The following TEFM variants were observed in gnomAD, a reference collection of about 807,000 sequenced individuals.
The protein encoded by TEFM is transcription elongation factor of mitochondria.
In TEFM, 14 loss-of-function variants were observed where a neutral mutation model predicts 23.0. That is an observed-to-expected ratio of 0.61 (90% CI 0.40 to 0.95). TEFM has a LOEUF of 0.95. Among genes scored for constraint, TEFM ranks in the 40% least tolerant of loss-of-function variants. The probability of loss-of-function intolerance (pLI) is 0.00; values close to 1 mark genes in which losing one functional copy is unlikely to be tolerated. For synonymous variants in TEFM, 155 were observed against 158.3 expected (o/e 0.98, Z 0.16); for missense variants, 386 against 425.5 (o/e 0.91, Z 0.82).
At chr17:30,903,870 G>A (rs1024908328) in intron 2 of TEFM, 196 bp downstream of exon 2, 2 of 540,664 alleles carry the variant, frequency 3.7e-6, no homozygotes, top group African/African-American at 1.9e-5. Context: ...TTCCACAACA[G>A]TCACAGCCCA....
intron 1 of TEFM, among the ~76,000 whole-genome samples, chr17:30,905,514 C>G (rs1910150095): frequency 7.1e-6 from 1 of 141,378 alleles, no homozygotes. Flanking sequence ...GAGCGAAACT[C>G]CGTCTCAAAA....
At chr17:30,900,310 G>T in intron 3 of TEFM, 103 bp downstream of exon 3, 1 of 1,167,340 alleles carries the variant, frequency 8.6e-7, no homozygotes, top group Non-Finnish European at 1.2e-6. Flanking sequence ...AGTACCAGAA[G>T]AAAACCCATC....
At chr17:30,904,571 T>C (rs967653229) in intron 1 of TEFM, 42 bp from the exon 2 acceptor site, 1 of 1,482,440 alleles carries the variant, frequency 6.7e-7, no homozygotes, top group Non-Finnish European at 9.2e-7. Context: ...GATGTCCTAC[T>C]TCCTTTGGGG....
At chr17:30,903,631 T>C (rs1288756785) in intron 2 of TEFM, among the ~76,000 whole-genome samples, 1 of 151,944 alleles carries the variant, frequency 6.6e-6, no homozygotes, top group African/African-American at 2.4e-5. Context: ...AAGACTGGTA[T>C]AATGTTCTAA....
chr17:30,900,243 G>T, intron 3 of TEFM, 170 bp downstream of exon 3: 1 of 592,984 alleles, frequency 1.7e-6, no homozygotes, highest in Non-Finnish European at 2.8e-6. Flanking sequence ...CTAACTAAAG[G>T]TTGAATTTTT....
At position 30,906,238 on chromosome 17, in the gene TEFM, C is replaced by G; in HGVS notation, c.-40G>C. On this transcript the variant is annotated 5_prime_UTR_variant, in exon 1 of 4. Transcript: ENST00000581216. ...AGTAGGTCCAGTCTTCCTCCATTGA[C>G]TTCCGGTTCCTGCGTGCTGCGCCCA... 1.2e-6 allele frequency: 2 copies of G among 1,614,126 alleles called. No homozygotes were observed. Among genetic ancestry groups the G allele is most frequent in the Non-Finnish European group, 1.7e-6 (2 of 1,179,928 alleles).
intron 2 of TEFM, 27 bp downstream of exon 2, chr17:30,904,039 G>A (rs1567706441): frequency 1.3e-6 from 2 of 1,578,690 alleles, no homozygotes; most frequent in Non-Finnish European, 1.7e-6. Flanking sequence ...CAAATATTAG[G>A]CAGTATAGCA....
intron 2 of TEFM, among the ~76,000 whole-genome samples, chr17:30,901,118 T>G (rs540164884): frequency 6.6e-6 from 1 of 152,216 alleles, no homozygotes; most frequent in East Asian, 1.9e-4. Flanking sequence ...CCTCCCAGAT[T>G]CAAGCAATCC....
chr17:30,903,250 C>T (rs1474936724), intron 2 of TEFM, among the ~76,000 whole-genome samples: 2 of 112,864 alleles, frequency 1.8e-5, no homozygotes, highest in African/African-American at 3.3e-5. Flanking sequence ...TTTTTTGAGA[C>T]AGAGTCTTGC....
intron 3 of TEFM, 81 bp from the exon 4 acceptor site, chr17:30,899,687 T>C: frequency 1.1e-6 from 1 of 915,014 alleles, no homozygotes; most frequent in Middle Eastern, 3.7e-4. Context: ...CCCACTTCTA[T>C]TTAAAAATAT....
chr17:30,904,713 TCTGTTGCC>T (rs1910129325), intron 1 of TEFM, among the ~76,000 whole-genome samples, 184 bp from the exon 2 acceptor site: 1 of 150,768 alleles, frequency 6.6e-6, no homozygotes, highest in Non-Finnish European at 1.5e-5. Flanking sequence ...GGAGTCTTGC[TCTGTTGCC>T]CAGGCTGGAG....
intron 2 of TEFM, among the ~76,000 whole-genome samples, chr17:30,903,502 GGT>G (rs10612648): frequency 0.24 from 35,914 of 148,240 alleles, 4,429 homozygotes; most frequent in Middle Eastern, 0.29. Flanking sequence ...TGGGATTACA[GGT>G]GTGAGCCAGC....
intron 2 of TEFM, among the ~76,000 whole-genome samples, chr17:30,901,855 T>C (rs1214732827): frequency 2.0e-5 from 3 of 152,052 alleles, no homozygotes; most frequent in African/African-American, 4.8e-5. Flanking sequence ...TTGAAGACAA[T>C]GACAGAAGGA....
chr17:30,900,161 TC>T, intron 3 of TEFM: 2 of 449,302 alleles, frequency 4.5e-6, no homozygotes, highest in Non-Finnish European at 7.8e-6. Flanking sequence ...GTGATAATGT[TC>T]TATAACATTT....
chr17:30,900,276 C>T (rs1910008325), intron 3 of TEFM, 137 bp downstream of exon 3: 1 of 832,112 alleles, frequency 1.2e-6, no homozygotes, highest in African/African-American at 1.7e-5. Flanking sequence ...TGATGGAAAA[C>T]ATAATAGGAA....
chr17:30,904,108 C>G lies in TEFM; in HGVS notation c.453G>C (p.Leu151=). 6.2e-7 allele frequency: 1 copy of G among 1,614,014 alleles called. No homozygotes were observed. Among genetic ancestry groups the G allele is most frequent in the Non-Finnish European group, 8.5e-7 (1 of 1,179,942 alleles). Residue 151 remains leucine (L), a synonymous_variant, in exon 2 of 4, where the codon CTG becomes CTC. Transcript: ENST00000581216. ...CTATGTCTGGTTTGAGGAGCTTTCT[C>G]AGGAACCGGTTTTCCGGTGACTTTC... is the stretch of plus-strand genomic sequence containing the variant. ...EKRKSPENRF[L]RKLLKPDIER...
intron 2 of TEFM, among the ~76,000 whole-genome samples, chr17:30,901,888 G>A (rs1910054449): frequency 6.6e-6 from 1 of 152,170 alleles, no homozygotes; most frequent in Non-Finnish European, 1.5e-5. Flanking sequence ...AGTGGGAGCA[G>A]AATTAATACA....
chr17:30,905,349 T>C (rs1475405389), intron 1 of TEFM, among the ~76,000 whole-genome samples: 1 of 151,986 alleles, frequency 6.6e-6, no homozygotes, highest in East Asian at 1.9e-4. Flanking sequence ...GGAGAAACCC[T>C]GTCTCTACTA....
intron 1 of TEFM, 46 bp from the exon 2 acceptor site, chr17:30,904,575 T>G: frequency 6.9e-7 from 1 of 1,444,942 alleles, no homozygotes; most frequent in Non-Finnish European, 9.4e-7. Context: ...TCCTACTTCC[T>G]TTGGGGTTAG....
Sources: allele counts gnomAD v4.1 joint callset (sites outside exome capture counted in the v4.1 genomes callset), GRCh38; gene constraint gnomAD v4.1.1; transcripts MANE v1.5; gene names NCBI Gene and HGNC (gene_info 2026-07-23, HGNC 2026-07-21).